The following PRR12 variants were observed in gnomAD, a reference collection of about 807,000 sequenced individuals.
The protein encoded by PRR12 is proline rich 12, also known as proline-rich protein 12.
Under a neutral mutation model 138.0 loss-of-function variants are expected in PRR12, and 12 were observed. That is an observed-to-expected ratio of 0.09 (90% CI 0.06 to 0.14). The LOEUF (loss-of-function observed/expected upper bound fraction) is 0.14. Among genes scored for constraint, PRR12 ranks in the 10% least tolerant of loss-of-function variants. PRR12 has a pLI of 1.00. For missense variants in PRR12, 2,692 were observed against 2,861.3 expected, an observed-to-expected ratio of 0.94 and a Z score of 1.35; for synonymous variants, 1,567 against 1,291.7, an observed-to-expected ratio of 1.21 and a Z score of -4.57.
At chr19:49,623,761 G>GATA (rs2080938139) in intron 11 of PRR12, among the ~76,000 whole-genome samples, 1 of 151,434 alleles carries the variant, frequency 6.6e-6, no homozygotes, top group Non-Finnish European at 1.5e-5. Flanking sequence ...AGAATTCTGG[G>GATA]GTAGGTGGTT....
chr19:49,599,513 T>C lies in PRR12; in HGVS notation c.3920T>C (p.Leu1307Pro), dbSNP rs1372510036. The C allele has an allele frequency of 1.3e-6, 2 of 1,597,768 alleles. No homozygotes were observed. The highest frequency in any genetic ancestry group is 8.5e-7 in the Non-Finnish European group (1 of 1,172,864). Residue 1307 changes from leucine to proline, a missense_variant, in exon 5 of 14, where the codon CTC becomes CCC. This residue lies in a region of PRR12 where 326 missense variants were observed against 344.2 expected (regional missense o/e 0.95). Transcript: ENST00000418929. This position sits in a 1 kb window ranked among gnomAD's most constrained non-coding sequence, Gnocchi z 5.0. Reference sequence around the variant, plus strand: ...TACCAGGCGGGCCTGACGCCTCCGCTCAGCCCTCCCAAGAGTGTGCCACCC... The same window carrying C: ...TACCAGGCGGGCCTGACGCCTCCGCCCAGCCCTCCCAAGAGTGTGCCACCC... ...PLYQAGLTPPLSPPKSVPPSV... is the reference protein window; with the variant it reads ...PLYQAGLTPPPSPPKSVPPSV...
Position 49,616,004 on chromosome 19 carries a change from G to T in PRR12, c.5282G>T (p.Ser1761Ile). 6.4e-7 allele frequency: 1 copy of T among 1,553,076 alleles called. No homozygotes were observed. Among genetic ancestry groups the T allele is most frequent in the African/African-American group, 1.4e-5 (1 of 73,180 alleles). Residue 1761 changes from serine (S) to isoleucine (I), a missense_variant, in exon 9 of 14, where the codon AGC becomes ATC. Physicochemically the swap from Ser to Ile is moderately radical, Grantham distance 142 (BLOSUM62 -2). This residue lies in a region of PRR12 where 259 missense variants were observed against 265.1 expected (regional missense o/e 0.98). Transcript: ENST00000418929. The surrounding 1 kb of genome is among the most constrained non-coding windows in gnomAD (Gnocchi z 4.2). ...ERPLRGERATSGRQTRPERSL... is the reference protein window; with the variant it reads ...ERPLRGERATIGRQTRPERSL... The stretch of plus-strand genomic sequence containing the variant: ...CCATTGCGGGGTGAGCGGGCCACCA[G>T]CGGACGGCAGACACGGCCAGAGCGG...
chr19:49,604,032 GC>G (rs2080825921), intron 6 of PRR12, among the ~76,000 whole-genome samples: 1 of 151,904 alleles, frequency 6.6e-6, no homozygotes, highest in African/African-American at 2.4e-5. Context: ...TCTTGGCCAG[GC>G]TGCTCTTGAA....
rs755842743 is a variant in PRR12 at position 49,593,389 on chromosome 19, A to C, written c.149A>C (p.Tyr50Ser). ...ACGGACATCTTACACCGCCAGGCCT[A>C]TGCGGCCCCCCACCCACTGCAAAGC... Reference protein sequence around the residue: ...PETDILHRQAYAAPHPLQSYA... With the variant: ...PETDILHRQASAAPHPLQSYA... The change falls in exon 2 of 14, where the codon TAT becomes TCT. Residue 50 changes from tyrosine to serine, a missense_variant. Physicochemically the swap from Tyr to Ser is moderately radical, Grantham distance 144. Transcript: ENST00000418929. 6.2e-7 allele frequency: 1 copy of C among 1,605,604 alleles called. No homozygotes were observed. The highest frequency in any genetic ancestry group is 8.5e-7 in the Non-Finnish European group (1 of 1,176,690).
rs2080785862 is a variant in PRR12 at position 49,597,921 on chromosome 19, G to A, written c.3586G>A (p.Gly1196Ser). Residue 1196 changes from glycine to serine, a missense_variant, in exon 4 of 14, where the codon GGC becomes AGC. By Grantham distance (56) the Gly-to-Ser change is moderately conservative. Transcript: ENST00000418929. This position sits in a 1 kb window ranked among gnomAD's most constrained non-coding sequence, Gnocchi z 6.3. ...CGCCTCGGCCTCCACGCCCACCGAT[G>A]GCGCCAAGAAACCCCGGGGCCGGGG... ...GPASASTPTD[G>S]AKKPRGRGRG... is the part of the protein sequence containing the mutation. 2 of 1,406,968 alleles carry A rather than the reference G, an allele frequency of 1.4e-6. No individual in the cohort carries two copies. Among genetic ancestry groups the A allele is most frequent in the Middle Eastern group, 2.4e-4 (1 of 4,180 alleles). The allele number at this position is 1,406,968 out of a possible 1,614,324, so 87.2% of individuals were successfully genotyped here. A position where few individuals can be genotyped will look rare whatever the true frequency, so the allele number is the denominator to read the frequency against.
chr19:49,608,842 A>G (rs965242398), intron 6 of PRR12, among the ~76,000 whole-genome samples: 1 of 133,740 alleles, frequency 7.5e-6, no homozygotes, highest in East Asian at 2.1e-4. Flanking sequence ...ACCCTGTCTC[A>G]AAAAAAAAAA....
At chr19:49,619,532 G>GC (rs1228146289) in intron 9 of PRR12, among the ~76,000 whole-genome samples, 3 of 110,846 alleles carry the variant, frequency 2.7e-5, no homozygotes, top group African/African-American at 1.1e-4. Flanking sequence ...ACCATGCCCA[G>GC]CCCTTTTTTT....
intron 5 of PRR12, among the ~76,000 whole-genome samples, chr19:49,600,563 G>A (rs2080804648): frequency 6.6e-6 from 1 of 151,962 alleles, no homozygotes; most frequent in Non-Finnish European, 1.5e-5. Flanking sequence ...TGAGACAGGA[G>A]GATCGCTTGA....
intron 6 of PRR12, among the ~76,000 whole-genome samples, chr19:49,606,879 A>T (rs2122331935): frequency 6.6e-6 from 1 of 152,206 alleles, no homozygotes; most frequent in East Asian, 1.9e-4. Flanking sequence ...CCACTCTTAA[A>T]GCCCCTACAA....
chr19:49,618,497 CCTT>C lies in PRR12; in HGVS notation c.5498-1850_5498-1848del, dbSNP rs562751787. Among the ~76,000 whole-genome samples, 10 of 152,196 alleles carry C rather than the reference CCTT, an allele frequency of 6.6e-5. No homozygotes were observed. The East Asian group carries it at 1.9e-3, about 29-fold the overall frequency. The stretch of plus-strand genomic sequence containing the variant: ...CCACCTCCTGGGTTCAAGTGATCCT[CCTT>C]CTTCAGCCTCCCAAGTAGCTGGGAC... On this transcript the variant is annotated intron_variant, in intron 9 of 13. Transcript: ENST00000418929.
chr19:49,607,122 C>T lies in PRR12; in HGVS notation c.4773+5204C>T, dbSNP rs973846098. ...CAGGCTGGGCAACATTGTGAGCCCC[C>T]GCCTTTAAGGAAAAAAAAAAGAAAG... On this transcript the variant is annotated intron_variant, in intron 6 of 13. Transcript: ENST00000418929. Among the ~76,000 whole-genome samples, 5 of 151,448 alleles carry T rather than the reference C, an allele frequency of 3.3e-5. No individual in the cohort carries two copies. In the East Asian group the frequency reaches 5.8e-4, roughly 18 times the overall value.
chr19:49,609,100 G>A (rs1030989270), intron 6 of PRR12, among the ~76,000 whole-genome samples: 8 of 151,952 alleles, frequency 5.3e-5, no homozygotes, highest in African/African-American at 1.5e-4. Flanking sequence ...AATCGCTTGC[G>A]CTCAGGAGTT....
intron 6 of PRR12, among the ~76,000 whole-genome samples, chr19:49,605,230 C>T (rs761632977): frequency 6.6e-6 from 1 of 152,192 alleles, no homozygotes; most frequent in South Asian, 2.1e-4. Flanking sequence ...TTGGGATCCA[C>T]ACCCAGCCCT....
At position 49,591,199 on chromosome 19, in the gene PRR12, C is replaced by T. The variant is rs1296077419; in HGVS notation, c.-456C>T. Among the ~76,000 whole-genome samples, 1 of 147,530 alleles carries T rather than the reference C, an allele frequency of 6.8e-6. No homozygotes were observed. Among genetic ancestry groups the T allele is most frequent in the African/African-American group, 2.5e-5 (1 of 39,828 alleles). On this transcript the variant is annotated 5_prime_UTR_variant, in exon 1 of 14. Coordinates refer to ENST00000418929, the MANE Select transcript of PRR12 (RefSeq NM_020719.3). ...TTCCCCTCCCCCCTCCCCCAGCCGC[C>T]TTGTGCAAAGATGGCTGCACCGTGA...
intron 1 of PRR12, 65 bp downstream of exon 1, chr19:49,591,805 G>GGGTGGGA: frequency 1.0e-6 from 1 of 983,264 alleles, no homozygotes; most frequent in Non-Finnish European, 1.4e-6. Context: ...GGCCGGGCCG[G>GGGTGGGA]GCCGGGCCGG....
Position 49,625,968 on chromosome 19 carries a change from T to TG in PRR12, c.*369dup, listed in dbSNP as rs965249574. 98 of 158,736 alleles carry TG rather than the reference T, an allele frequency of 6.2e-4. No individual in the cohort carries two copies. The highest frequency in any genetic ancestry group is 3.1e-3 in the Middle Eastern group (1 of 320). The allele number at this position is 158,736 out of a possible 1,614,324, so 9.8% of individuals were successfully genotyped here. On this transcript the variant is annotated 3_prime_UTR_variant, in exon 14 of 14. Transcript: ENST00000418929. The surrounding 1 kb of genome is among the most constrained non-coding windows in gnomAD (Gnocchi z 5.5). ...TGTATAGGAAAAGTCTATGTATGGC[T>TG]GGGGGGGGTGGGGTGGCTTCAGAGA...
intron 4 of PRR12, among the ~76,000 whole-genome samples, chr19:49,598,444 A>C (rs866343928): frequency 1.7e-4 from 26 of 152,178 alleles, no homozygotes; most frequent in Middle Eastern, 3.4e-3. Flanking sequence ...GGGGGATAAT[A>C]AGGTTTACAT....
Position 49,599,906 on chromosome 19 carries a change from G to A in PRR12, c.4313G>A (p.Gly1438Glu), listed in dbSNP as rs987956859. 7 of 1,609,476 alleles carry A rather than the reference G, an allele frequency of 4.3e-6. No homozygotes were observed. The highest frequency in any genetic ancestry group is 5.9e-6 in the Non-Finnish European group (7 of 1,177,558). ...AAVPGPPPLPGLPSANSNGTP... is the reference protein window; with the variant it reads ...AAVPGPPPLPELPSANSNGTP... ...GTTCCAGGGCCACCCCCTCTTCCGG[G>A]GCTCCCCAGTGCCAACAGCAATGGC... is the stretch of plus-strand genomic sequence containing the variant. The change falls in exon 5 of 14, where the codon GGG becomes GAG. Residue 1438 changes from glycine (G) to glutamate (E), a missense_variant. Physicochemically the swap from Gly to Glu is moderately conservative, Grantham distance 98 (BLOSUM62 -2). This residue lies in a region of PRR12 where 231 missense variants were observed against 200.8 expected (regional missense o/e 1.15). Transcript: ENST00000418929. This position sits in a 1 kb window ranked among gnomAD's most constrained non-coding sequence, Gnocchi z 5.0.
Position 49,597,063 on chromosome 19 carries a change from G to A in PRR12, c.2728G>A (p.Ala910Thr), listed in dbSNP as rs751459426. 25 of 1,552,872 alleles carry A rather than the reference G, an allele frequency of 1.6e-5. No homozygotes were observed. The highest frequency in any genetic ancestry group is 1.7e-4 in the Middle Eastern group (1 of 6,010). Reference sequence around the variant, plus strand: ...ACCAAACTCGGAGGGCAAGGATCCCGCAGGCGCCTACCGCAGCCCCAGCCC... The same window carrying A: ...ACCAAACTCGGAGGGCAAGGATCCCACAGGCGCCTACCGCAGCCCCAGCCC... ...GPPNSEGKDPAGAYRSPSPQG... is the reference protein window; with the variant it reads ...GPPNSEGKDPTGAYRSPSPQG... Residue 910 changes from alanine (A) to threonine (T), a missense_variant, in exon 4 of 14, where the codon GCA (alanine) becomes ACA (threonine). Ala to Thr is a moderately conservative substitution (Grantham distance 58). This residue lies in a region of PRR12 where 840 missense variants were observed against 689.8 expected (regional missense o/e 1.22). Coordinates refer to ENST00000418929, the MANE Select transcript of PRR12 (RefSeq NM_020719.3). The surrounding 1 kb of genome is among the most constrained non-coding windows in gnomAD (Gnocchi z 6.3).
Sources: gnomAD v4.1 joint callset for allele counts (sites outside exome capture counted in the v4.1 genomes callset) on GRCh38, gnomAD v4.1.1 for gene constraint, gnomAD v4.1.1 regional missense constraint, Gnocchi (gnomAD v3.1) non-coding constraint, MANE v1.5 for transcripts, NCBI Gene and HGNC (gene_info 2026-07-23, HGNC 2026-07-21) for gene names.